The following VTI1A variants were observed in gnomAD, a reference collection of about 807,000 sequenced individuals.
The protein encoded by VTI1A is vesicle transport through interaction with t-SNAREs 1A.
In VTI1A, 22 loss-of-function variants were observed where a neutral mutation model predicts 34.9. The ratio of observed to expected loss-of-function variants is 0.63; its 90% CI spans 0.45 to 0.90. VTI1A has a LOEUF of 0.90. Among genes scored for constraint, VTI1A ranks in the 40% least tolerant of loss-of-function variants. VTI1A has a pLI of 0.00. For missense variants in VTI1A, 268 were observed against 275.6 expected, an observed-to-expected ratio of 0.97 and a Z score of 0.20; for synonymous variants, 87 against 97.3, an observed-to-expected ratio of 0.89 and a Z score of 0.62.
chr10:112,474,055 A>T (rs1356297461), intron 3 of VTI1A, among the ~76,000 whole-genome samples: 3 of 151,982 alleles, frequency 2.0e-5, no homozygotes, highest in African/African-American at 7.3e-5. Context: ...AGTTATTTGG[A>T]TATGACTATG....
the VTI1A span, among the ~76,000 whole-genome samples, chr10:112,829,744 A>G: frequency 6.6e-6 from 1 of 152,122 alleles, no homozygotes; most frequent in Admixed American, 6.5e-5. Flanking sequence ...ACAGAGAAAG[A>G]CTCCATTTCA....
chr10:112,664,522 A>G lies in VTI1A; in HGVS notation c.428-3696A>G, dbSNP rs1411617328. Reference sequence around the variant, plus strand: ...GCTCTTCAAACTAAATCTTATTTTCATGATGTCAGGCCAGTCCTTTAGGAA... The same window carrying G: ...GCTCTTCAAACTAAATCTTATTTTCGTGATGTCAGGCCAGTCCTTTAGGAA... On this transcript the variant is annotated intron_variant, in intron 5 of 7. Transcript: ENST00000393077. Among the ~76,000 whole-genome samples the G allele has an allele frequency of 2.6e-5, 4 of 152,300 alleles. No homozygotes were observed. The East Asian group carries it at 7.7e-4, about 29-fold the overall frequency.
intron 7 of VTI1A, among the ~76,000 whole-genome samples, chr10:112,783,738 G>A (rs1404239317): frequency 1.3e-5 from 2 of 152,160 alleles, no homozygotes; most frequent in African/African-American, 4.8e-5. Flanking sequence ...CATGGCCTTG[G>A]CATAATTACC....
chr10:112,645,815 C>CT (rs1419868529), intron 5 of VTI1A, among the ~76,000 whole-genome samples: 1 of 151,848 alleles, frequency 6.6e-6, no homozygotes, highest in Admixed American at 6.6e-5. Context: ...CCCCTTTTTA[C>CT]TTTTTTTGGT....
At chr10:112,612,021 G>A (rs974561246) in intron 5 of VTI1A, among the ~76,000 whole-genome samples, 6 of 152,002 alleles carry the variant, frequency 3.9e-5, no homozygotes, top group African/African-American at 7.2e-5. Flanking sequence ...GATTACAGGC[G>A]TGAACCACCG....
chr10:112,815,465 T>TG lies in VTI1A; in HGVS notation c.*83dup. 1 of 1,265,276 alleles carries TG rather than the reference T, an allele frequency of 7.9e-7. No homozygotes were observed. The highest frequency in any genetic ancestry group is 1.2e-6 in the Non-Finnish European group (1 of 868,356). The allele number at this position is 1,265,276 out of a possible 1,614,324, so 78.4% of individuals were successfully genotyped here. A position where few individuals can be genotyped will look rare whatever the true frequency, so the allele number is the denominator to read the frequency against. ...AAAATGGTCACATGAATCATTCTGT[T>TG]GCGCTGACAGGCCCCAGGTGACCCT... On this transcript the variant is annotated 3_prime_UTR_variant, in exon 8 of 8. Coordinates refer to ENST00000393077, the MANE Select transcript of VTI1A (RefSeq NM_145206.4).
At chr10:112,660,066 A>T (rs974996702) in intron 5 of VTI1A, among the ~76,000 whole-genome samples, 1 of 152,124 alleles carries the variant, frequency 6.6e-6, no homozygotes, top group Non-Finnish European at 1.5e-5. Flanking sequence ...TAGTTTTCTT[A>T]TATGCTCTCT....
At chr10:112,487,230 T>G (rs1401811265) in intron 3 of VTI1A, among the ~76,000 whole-genome samples, 1 of 152,190 alleles carries the variant, frequency 6.6e-6, no homozygotes, top group Admixed American at 6.6e-5. Context: ...TTCGAGTGAT[T>G]CTCCTGCCTC....
At chr10:112,838,140 G>A in the VTI1A span, among the ~76,000 whole-genome samples, 1 of 152,234 alleles carries the variant, frequency 6.6e-6, no homozygotes, top group Admixed American at 6.5e-5. Flanking sequence ...CACGTGGCCT[G>A]GGAGGAAAAG....
At chr10:112,806,120 G>A (rs942292665) in intron 7 of VTI1A, among the ~76,000 whole-genome samples, 4 of 152,058 alleles carry the variant, frequency 2.6e-5, no homozygotes, top group South Asian at 2.1e-4. Flanking sequence ...TGGAGAAAGT[G>A]CTCATCTCCC....
intron 7 of VTI1A, among the ~76,000 whole-genome samples, chr10:112,798,573 A>T (rs150079155): frequency 1.3e-5 from 2 of 152,090 alleles, no homozygotes; most frequent in East Asian, 3.9e-4. Flanking sequence ...TTTCCTACTC[A>T]TTGCTGCCAA....
chr10:112,672,295 C>A (rs931983293), intron 7 of VTI1A, among the ~76,000 whole-genome samples: 1 of 151,992 alleles, frequency 6.6e-6, no homozygotes, highest in African/African-American at 2.4e-5. Flanking sequence ...CTGCTTCAAC[C>A]GAAAAGAAAT....
chr10:112,456,320 G>C (rs1169741759), intron 1 of VTI1A, among the ~76,000 whole-genome samples: 1 of 151,744 alleles, frequency 6.6e-6, no homozygotes, highest in Non-Finnish European at 1.5e-5. Flanking sequence ...TACTCGGGAG[G>C]CTGCAGCAGG....
chr10:112,761,321 A>C (rs1053104333), intron 7 of VTI1A, among the ~76,000 whole-genome samples: 1 of 152,170 alleles, frequency 6.6e-6, no homozygotes, highest in South Asian at 2.1e-4. Context: ...ACACAGATCT[A>C]CTGGTAAGGT....
At chr10:112,521,355 T>G (rs1424446897) in intron 3 of VTI1A, among the ~76,000 whole-genome samples, 1 of 152,080 alleles carries the variant, frequency 6.6e-6, no homozygotes, top group Non-Finnish European at 1.5e-5. Flanking sequence ...AAAGCCATTT[T>G]TGGTATGTAT....
At chr10:112,786,498 C>T (rs564920540) in intron 7 of VTI1A, among the ~76,000 whole-genome samples, 37 of 152,278 alleles carry the variant, frequency 2.4e-4, no homozygotes, top group Admixed American at 7.2e-4. Flanking sequence ...GTGGTAAGAG[C>T]AGACATTTTT....
intron 5 of VTI1A, among the ~76,000 whole-genome samples, chr10:112,560,645 G>A (rs1241722484): frequency 6.9e-6 from 1 of 144,630 alleles, no homozygotes; most frequent in Non-Finnish European, 1.5e-5. Flanking sequence ...TCGCCAGTCT[G>A]GAGTGCAGTG....
At chr10:112,521,115 G>A (rs1446590149) in intron 3 of VTI1A, among the ~76,000 whole-genome samples, 1 of 151,968 alleles carries the variant, frequency 6.6e-6, no homozygotes, top group Non-Finnish European at 1.5e-5. Flanking sequence ...ACCTTCCAGC[G>A]AATGAGCTTG....
At chr10:112,608,650 AT>A (rs1372735539) in intron 5 of VTI1A, among the ~76,000 whole-genome samples, 1 of 152,122 alleles carries the variant, frequency 6.6e-6, no homozygotes, top group African/African-American at 2.4e-5. Flanking sequence ...AGCACCTGTC[AT>A]TTTCTTGTTA....
Sources: gnomAD v4.1 joint callset for allele counts (sites outside exome capture counted in the v4.1 genomes callset) on GRCh38, gnomAD v4.1.1 for gene constraint, MANE v1.5 for transcripts, NCBI Gene and HGNC (gene_info 2026-07-23, HGNC 2026-07-21) for gene names.